CACUL1: variants seen among roughly 807,000 people sequenced by gnomAD.
The protein encoded by CACUL1 is CDK2-associated and cullin domain-containing protein 1.
CACUL1 carries 13 observed loss-of-function variants against 45.2 expected under a neutral mutation model. The observed-to-expected ratio is 0.29, with a 90% confidence interval of 0.19 to 0.46. The LOEUF is 0.46. Among genes scored for constraint, CACUL1 ranks in the 20% least tolerant of loss-of-function variants. CACUL1 has a pLI of 1.00. For synonymous variants in CACUL1, 197 were observed against 174.2 expected, an observed-to-expected ratio of 1.13 and a Z score of -1.03; for missense variants, 421 against 471.4, an observed-to-expected ratio of 0.89 and a Z score of 0.99.
intron 3 of CACUL1, among the ~76,000 whole-genome samples, chr10:118,714,430 A>G (rs1053931472): frequency 1.3e-5 from 2 of 152,230 alleles, no homozygotes; most frequent in African/African-American, 4.8e-5. Flanking sequence ...AGTATTGGGA[A>G]GCTATCAAGG....
chr10:118,726,196 GA>G (rs1470652663), intron 3 of CACUL1: 2 of 608,052 alleles, frequency 3.3e-6, no homozygotes, highest in Admixed American at 5.5e-5. Context: ...CTGTCCCCAT[GA>G]AAACTGCCTT....
Position 118,685,998 on chromosome 10 carries a change from A to G in CACUL1, c.*130T>C. On this transcript the variant is annotated 3_prime_UTR_variant, in exon 9 of 9. Coordinates refer to ENST00000369151, the MANE Select transcript of CACUL1 (RefSeq NM_153810.5). ...AATTACAAACCAAGTAAGAAGTCCA[A>G]CATCCTCTTCCATGAACAGCTTTGT... 1 of 542,550 alleles carries G rather than the reference A, an allele frequency of 1.8e-6. No individual in the cohort carries two copies. Among genetic ancestry groups the G allele is most frequent in the African/African-American group, 1.9e-5 (1 of 52,636 alleles). The allele number at this position is 542,550 out of a possible 1,614,324, so 33.6% of individuals were successfully genotyped here. A position where few individuals can be genotyped will look rare whatever the true frequency, so the allele number is the denominator to read the frequency against.
rs574269964 is a variant in CACUL1, at chr10:118,713,519, A to G, written c.598-5932T>C. ...CGCCACTGCCATCACCATTACTCCA[A>G]ACTTGCTCCAATTTTTCTTAACAGA... On this transcript the variant is annotated intron_variant, in intron 3 of 8. Coordinates refer to ENST00000369151, the MANE Select transcript of CACUL1 (RefSeq NM_153810.5). Among the ~76,000 whole-genome samples the G allele has an allele frequency of 5.9e-5, 9 of 152,250 alleles. No homozygotes were observed. The South Asian group carries it at 1.9e-3, about 32-fold the overall frequency.
intron 4 of CACUL1, among the ~76,000 whole-genome samples, chr10:118,703,766 T>TAA (rs1845407226): frequency 2.0e-5 from 3 of 152,326 alleles, no homozygotes; most frequent in African/African-American, 7.2e-5. Context: ...CTAAAGTAAG[T>TAA]TAGCGGAAAA....
At chr10:118,694,602 T>C (rs1446940529) in intron 6 of CACUL1, among the ~76,000 whole-genome samples, 2 of 152,230 alleles carry the variant, frequency 1.3e-5, no homozygotes, top group Non-Finnish European at 2.9e-5. Flanking sequence ...TTCCTTTAAA[T>C]TTATAATGTT....
intron 1 of CACUL1, among the ~76,000 whole-genome samples, chr10:118,744,278 C>G (rs1845820485): frequency 6.6e-6 from 1 of 152,092 alleles, no homozygotes; most frequent in African/African-American, 2.4e-5. Context: ...CCCAGCCACT[C>G]AGGAGGCTGG....
At chr10:118,686,462 C>G in intron 8 of CACUL1, 136 bp downstream of exon 8, 1 of 771,864 alleles carries the variant, frequency 1.3e-6, no homozygotes. Context: ...GCAAAGCATC[C>G]TGACCTTGAT....
At chr10:118,729,480 A>AT in intron 2 of CACUL1, 83 bp from the exon 3 acceptor site, 2 of 893,186 alleles carry the variant, frequency 2.2e-6, no homozygotes, top group Non-Finnish European at 3.6e-6. Flanking sequence ...CACTTTTGAT[A>AT]TATAACCACT....
intron 3 of CACUL1, among the ~76,000 whole-genome samples, chr10:118,722,308 G>A (rs572834368): frequency 2.6e-5 from 4 of 151,798 alleles, no homozygotes; most frequent in Middle Eastern, 3.4e-3. Flanking sequence ...GGCTGGTCTC[G>A]ATCTCCCGAC....
At chr10:118,715,602 T>C (rs1845534641) in intron 3 of CACUL1, among the ~76,000 whole-genome samples, 1 of 152,232 alleles carries the variant, frequency 6.6e-6, no homozygotes, top group African/African-American at 2.4e-5. Flanking sequence ...ATTTACTTCA[T>C]TTTAATTGTA....
At chr10:118,696,630 G>A (rs931484098) in intron 5 of CACUL1, among the ~76,000 whole-genome samples, 13 of 152,306 alleles carry the variant, frequency 8.5e-5, no homozygotes, top group African/African-American at 2.4e-4. Flanking sequence ...GTAACACAGC[G>A]AGACACTATC....
chr10:118,740,851 G>C (rs530206933), intron 1 of CACUL1, among the ~76,000 whole-genome samples: 1 of 149,126 alleles, frequency 6.7e-6, no homozygotes, highest in East Asian at 2.0e-4. Flanking sequence ...GCGTGAACCC[G>C]GGAGACGGAG....
intron 4 of CACUL1, among the ~76,000 whole-genome samples, 162 bp from the exon 5 acceptor site, chr10:118,701,570 G>A (rs1845380397): frequency 1.3e-5 from 2 of 151,910 alleles, no homozygotes; most frequent in Admixed American, 6.5e-5. Context: ...TTAGTTACTT[G>A]TCTTTCTGGC....
At chr10:118,697,818 C>A (rs1168916525) in intron 5 of CACUL1, among the ~76,000 whole-genome samples, 1 of 152,130 alleles carries the variant, frequency 6.6e-6, no homozygotes, top group Non-Finnish European at 1.5e-5. Context: ...ATTAATTAAC[C>A]CCATGCTACA....
intron 5 of CACUL1, among the ~76,000 whole-genome samples, chr10:118,700,234 C>T (rs1027641785): frequency 6.6e-6 from 1 of 152,076 alleles, no homozygotes; most frequent in Non-Finnish European, 1.5e-5. Context: ...TACATACTGC[C>T]AACCCAAATA....
intron 1 of CACUL1, among the ~76,000 whole-genome samples, chr10:118,746,141 G>A (rs1365454211): frequency 1.8e-5 from 2 of 109,854 alleles, no homozygotes; most frequent in Non-Finnish European, 3.8e-5. Context: ...AACAGAGCGA[G>A]ACACTGTCTC....
chr10:118,689,040 G>T (rs1423795406), intron 7 of CACUL1, among the ~76,000 whole-genome samples: 3 of 152,222 alleles, frequency 2.0e-5, no homozygotes, highest in African/African-American at 7.2e-5. Flanking sequence ...GAATCACGTG[G>T]TTGGTTAGGC....
At position 118,695,218 on chromosome 10, in the gene CACUL1, T is replaced by A. The variant is rs1327613753; in HGVS notation, c.809A>T (p.Glu270Val). The change falls in exon 6 of 9, where the codon GAA (glutamate) becomes GTA (valine). Residue 270 changes from glutamate (E) to valine (V), a missense_variant. Glu to Val is a moderately radical substitution (Grantham distance 121). Coordinates refer to ENST00000369151, the MANE Select transcript of CACUL1 (RefSeq NM_153810.5). ...GACCTGAAATGGTGTTGACTGGGCTTCTAAAAGTAAAGCTGAAATAAGAAA... is the reference window on the plus strand; with the variant it reads ...GACCTGAAATGGTGTTGACTGGGCTACTAAAAGTAAAGCTGAAATAAGAAA... ...HIYSLMPLLL[E>V]AQSTPFQVTP... The A allele has an allele frequency of 6.3e-7, 1 of 1,598,644 alleles. No homozygotes were observed. Among genetic ancestry groups the A allele is most frequent in the South Asian group, 1.1e-5 (1 of 90,738 alleles).
At position 118,754,604 on chromosome 10, in the gene CACUL1, C is replaced by T. The variant is rs371225756; in HGVS notation, c.159G>A (p.Pro53=). Residue 53 remains proline (P), a synonymous_variant, in exon 1 of 9, where the codon CCG becomes CCA. Transcript: ENST00000369151. ...CGGGCACCGCCAGCAGCTGCCCCCC[C>T]GGAGGCTCTCGGGCAGGGGCCGGGA... ...SSIPAPAREP[P]GGQLLAVPAV... is the part of the protein sequence containing the mutation. 3 of 1,608,484 alleles carry T rather than the reference C, an allele frequency of 1.9e-6. No homozygotes were observed. Among genetic ancestry groups the T allele is most frequent in the Middle Eastern group, 1.7e-4 (1 of 6,030 alleles).
Sources: allele counts gnomAD v4.1 joint callset (sites outside exome capture counted in the v4.1 genomes callset), GRCh38; gene constraint gnomAD v4.1.1; transcripts MANE v1.5; gene names NCBI Gene and HGNC (gene_info 2026-07-23, HGNC 2026-07-21).